ELMOD1: variants seen among roughly 807,000 people sequenced by gnomAD.
ELMOD1 encodes ELMO domain containing 1, also known as ELMO domain-containing protein 1.
A neutral mutation model predicts 46.7 loss-of-function variants in ELMOD1; 21 were observed. The ratio of observed to expected loss-of-function variants is 0.45; its 90% CI spans 0.32 to 0.65. The LOEUF is 0.65. ELMOD1 is among the 30% of genes least tolerant of loss of function. The pLI is 0.04. For missense variants in ELMOD1, 348 were observed against 407.8 expected, an observed-to-expected ratio of 0.85 and a Z score of 1.26; for synonymous variants, 122 against 138.2, an observed-to-expected ratio of 0.88 and a Z score of 0.82.
chr11:107,596,165 T>C (rs997160254), intron 1 of ELMOD1, among the ~76,000 whole-genome samples: 1 of 152,138 alleles, frequency 6.6e-6, no homozygotes, highest in Non-Finnish European at 1.5e-5. Flanking sequence ...ATTTCAGCTG[T>C]TATAACTCTC....
chr11:107,633,589 C>T (rs1866178918), intron 5 of ELMOD1, among the ~76,000 whole-genome samples: 1 of 152,100 alleles, frequency 6.6e-6, no homozygotes, highest in Non-Finnish European at 1.5e-5. Flanking sequence ...CGTGCCACCA[C>T]ATCTGGCTAA....
At chr11:107,607,636 G>A (rs1035606378) in intron 1 of ELMOD1, among the ~76,000 whole-genome samples, 5 of 152,010 alleles carry the variant, frequency 3.3e-5, no homozygotes, top group African/African-American at 9.7e-5. Context: ...CAGCCTGGGC[G>A]CCAGAGTGAG....
intron 11 of ELMOD1, among the ~76,000 whole-genome samples, chr11:107,663,567 T>C (rs1158674782): frequency 6.6e-6 from 1 of 151,694 alleles, no homozygotes; most frequent in African/African-American, 2.4e-5. Context: ...ACCACATACT[T>C]AAACAAATAT....
At chr11:107,597,975 T>G (rs1041629737) in intron 1 of ELMOD1, among the ~76,000 whole-genome samples, 7 of 152,178 alleles carry the variant, frequency 4.6e-5, no homozygotes, top group Non-Finnish European at 8.8e-5. Context: ...AAGATGAACA[T>G]GTGTTTGTTC....
rs781430884 is a variant in ELMOD1, at chr11:107,647,460, T to C, written c.421-8T>C. Reference sequence around the variant, plus strand: ...TCAACAGAGTAATCCTTTTTTTTTTTCCTACAGTTATGGAAATTCTTGAAG... The same window carrying C: ...TCAACAGAGTAATCCTTTTTTTTTTCCCTACAGTTATGGAAATTCTTGAAG... On this transcript the variant is annotated splice_region_variant and splice_polypyrimidine_tract_variant and intron_variant, in intron 6 of 11. Coordinates refer to ENST00000265840, the MANE Select transcript of ELMOD1 (RefSeq NM_018712.4). 9 of 1,604,510 alleles carry C rather than the reference T, an allele frequency of 5.6e-6. No homozygotes were observed. Among genetic ancestry groups the C allele is most frequent in the African/African-American group, 1.3e-5 (1 of 74,180 alleles).
intron 1 of ELMOD1, among the ~76,000 whole-genome samples, chr11:107,612,039 A>G (rs974303133): frequency 3.9e-5 from 6 of 152,206 alleles, no homozygotes; most frequent in Admixed American, 1.3e-4. Flanking sequence ...AAGAAAATAA[A>G]TCATTCGACA....
intron 1 of ELMOD1, among the ~76,000 whole-genome samples, chr11:107,606,837 C>T (rs186830703): frequency 1.3e-5 from 2 of 152,096 alleles, no homozygotes; most frequent in Admixed American, 6.5e-5. Context: ...AAACCTACAT[C>T]GGTTTCAGTT....
chr11:107,613,952 C>G (rs767784305), intron 1 of ELMOD1, among the ~76,000 whole-genome samples: 10 of 152,182 alleles, frequency 6.6e-5, no homozygotes, highest in Non-Finnish European at 1.0e-4. Context: ...ATCCATGAAT[C>G]TTTACCACTT....
At chr11:107,625,749 C>T (rs770304549) in intron 2 of ELMOD1, among the ~76,000 whole-genome samples, 2 of 152,160 alleles carry the variant, frequency 1.3e-5, no homozygotes, top group Admixed American at 6.5e-5. Context: ...AAATAATAAA[C>T]GTGATCATAA....
chr11:107,608,095 G>A (rs74759239), intron 1 of ELMOD1, among the ~76,000 whole-genome samples: 1 of 151,228 alleles, frequency 6.6e-6, no homozygotes, highest in East Asian at 1.9e-4. Context: ...ATCTAGGAGA[G>A]TGGAACATGG....
chr11:107,642,554 A>G (rs1241228370), intron 6 of ELMOD1, among the ~76,000 whole-genome samples: 1 of 152,016 alleles, frequency 6.6e-6, no homozygotes, highest in East Asian at 1.9e-4. Context: ...TATTTTTAGT[A>G]GAGACGGGGT....
chr11:107,595,705 C>T (rs1278168952), intron 1 of ELMOD1, among the ~76,000 whole-genome samples: 3 of 152,060 alleles, frequency 2.0e-5, no homozygotes, highest in Admixed American at 6.5e-5. Flanking sequence ...AGCTTTTAAC[C>T]TTCCAACTCA....
At chr11:107,654,638 G>A (rs888515429) in intron 10 of ELMOD1, among the ~76,000 whole-genome samples, 3 of 151,974 alleles carry the variant, frequency 2.0e-5, no homozygotes, top group East Asian at 1.9e-4. Flanking sequence ...GCGTGTTGGC[G>A]GGCGCCTGTA....
chr11:107,665,279 A>G lies in ELMOD1; in HGVS notation c.*82A>G. 7.2e-7 allele frequency: 1 copy of G among 1,390,870 alleles called. No homozygotes were observed. Among genetic ancestry groups the G allele is most frequent in the Admixed American group, 1.9e-5 (1 of 52,348 alleles). 86.2% of individuals were successfully genotyped at this position (1,390,870 alleles called of 1,614,324 possible). ...TCTCTGCTTAGGTCGCAGCTCACGC[A>G]TTGAATGCACACAGTGATTGTATGC... On this transcript the variant is annotated 3_prime_UTR_variant, in exon 12 of 12. Coordinates refer to ENST00000265840, the MANE Select transcript of ELMOD1 (RefSeq NM_018712.4).
chr11:107,656,440 G>GAT (rs958518816), intron 11 of ELMOD1, among the ~76,000 whole-genome samples: 4 of 147,140 alleles, frequency 2.7e-5, no homozygotes, highest in Admixed American at 1.4e-4. Context: ...AAAAATACAT[G>GAT]ATATATATAA....
At chr11:107,601,250 C>T (rs1168527022) in intron 1 of ELMOD1, among the ~76,000 whole-genome samples, 2 of 151,756 alleles carry the variant, frequency 1.3e-5, no homozygotes, top group Non-Finnish European at 2.9e-5. Context: ...ATACATGTTT[C>T]TCCTTTCTCA....
At chr11:107,656,734 T>G (rs182713603) in intron 11 of ELMOD1, among the ~76,000 whole-genome samples, 15 of 152,236 alleles carry the variant, frequency 9.9e-5, no homozygotes, top group Admixed American at 5.2e-4. Flanking sequence ...CATGGGTGTT[T>G]CTCTCCCTCT....
chr11:107,629,929 G>C (rs1353732503), intron 2 of ELMOD1, among the ~76,000 whole-genome samples: 1 of 151,990 alleles, frequency 6.6e-6, no homozygotes, highest in Non-Finnish European at 1.5e-5. Flanking sequence ...AAGAATGGGA[G>C]CAAGGGAAGG....
intron 1 of ELMOD1, chr11:107,592,620 G>C: frequency 7.0e-6 from 2 of 287,136 alleles, no homozygotes; most frequent in Non-Finnish European, 7.2e-6. Flanking sequence ...AGTTTAGTTG[G>C]TATTTTGCCA....
Sources: gnomAD v4.1 joint callset for allele counts (sites outside exome capture counted in the v4.1 genomes callset) on GRCh38, gnomAD v4.1.1 for gene constraint, MANE v1.5 for transcripts, NCBI Gene and HGNC (gene_info 2026-07-23, HGNC 2026-07-21) for gene names.